The following NFIC variants were observed in gnomAD, a reference collection of about 807,000 sequenced individuals.
NFIC encodes nuclear factor 1 C-type.
NFIC carries 12 observed loss-of-function variants against 54.4 expected under a neutral mutation model. The ratio of observed to expected loss-of-function variants is 0.22; its 90% confidence interval spans 0.14 to 0.36. NFIC has a LOEUF of 0.36. Ranked by LOEUF, NFIC falls within the 10% of genes least tolerant of loss-of-function variation. NFIC has a pLI of 1.00. For missense variants in NFIC, 575 were observed against 718.2 expected, an observed-to-expected ratio of 0.80 and a Z score of 2.28; for synonymous variants, 322 against 319.2, an observed-to-expected ratio of 1.01 and a Z score of -0.09.
At chr19:3,434,249 C>A in intron 4 of NFIC, 28 bp from the exon 5 acceptor site, 1 of 1,595,976 alleles carries the variant, frequency 6.3e-7, no homozygotes, top group Non-Finnish European at 8.5e-7. Context: ...CTGCTTCCTG[C>A]CTCACTCTCC....
chr19:3,449,142 A>C lies in NFIC; in HGVS notation c.1084+3A>C, dbSNP rs774813274. On this transcript the variant is annotated splice_donor_region_variant and intron_variant, in intron 7 of 10. Transcript: ENST00000443272. ...GCCCGTCATCGCCGTGCACAGCGGT[A>C]AGCGCCACGGGCCCCTGGCGGGGAG... 6.2e-6 allele frequency: 10 copies of C among 1,611,156 alleles called. No homozygotes were observed. In the Admixed American group the frequency reaches 1.5e-4, roughly 24 times the overall value.
chr19:3,395,687 T>C (rs1388591998), intron 2 of NFIC, among the ~76,000 whole-genome samples: 1 of 151,696 alleles, frequency 6.6e-6, no homozygotes, highest in Non-Finnish European at 1.5e-5. Flanking sequence ...TTTATTTATT[T>C]ATTTACTTTT....
At position 3,437,535 on chromosome 19, in the gene NFIC, T is replaced by TTTTG. The variant is rs527907950; in HGVS notation, c.958+2339_958+2342dup. On this transcript the variant is annotated intron_variant, in intron 6 of 10. Transcript: ENST00000443272. Reference sequence around the variant, plus strand: ...TGTCTCAGTATTTATGAGGTTCTTTTTTTGTTTGTTTGTTGTTTTTGTTTT... The same window carrying TTTTG: ...TGTCTCAGTATTTATGAGGTTCTTTTTTTGTTTGTTTGTTTGTTGTTTTTGTTTT... Among the ~76,000 whole-genome samples, 8 of 152,074 alleles carry TTTTG rather than the reference T, an allele frequency of 5.3e-5. No homozygotes were observed. In the South Asian group the frequency reaches 1.5e-3, roughly 28 times the overall value.
At chr19:3,383,559 A>T (rs2081246585) in intron 2 of NFIC, among the ~76,000 whole-genome samples, 1 of 152,132 alleles carries the variant, frequency 6.6e-6, no homozygotes, top group Non-Finnish European at 1.5e-5. Context: ...GGATGGGGCT[A>T]TGGGAGGTTC....
intron 3 of NFIC, among the ~76,000 whole-genome samples, chr19:3,428,031 G>A (rs999998074): frequency 2.0e-5 from 3 of 150,966 alleles, no homozygotes; most frequent in Non-Finnish European, 2.9e-5. Context: ...TTAGCCAGGC[G>A]TGGAGGCACA....
chr19:3,454,726 C>A (rs1025461810), intron 9 of NFIC, among the ~76,000 whole-genome samples: 2 of 151,706 alleles, frequency 1.3e-5, no homozygotes, highest in Non-Finnish European at 2.9e-5. Flanking sequence ...CCCTCACCCC[C>A]CTTTTTGAGC....
intron 2 of NFIC, among the ~76,000 whole-genome samples, chr19:3,414,075 T>A (rs1476205410): frequency 6.6e-6 from 1 of 152,094 alleles, no homozygotes; most frequent in Non-Finnish European, 1.5e-5. Context: ...GCAATCTGTT[T>A]GCTGAGTGAT....
intron 5 of NFIC, among the ~76,000 whole-genome samples, chr19:3,434,867 C>T (rs1221950973): frequency 2.6e-5 from 4 of 152,248 alleles, no homozygotes; most frequent in African/African-American, 9.6e-5. Context: ...TTGAGACCCT[C>T]CCTGCCTCTG....
chr19:3,416,434 A>T (rs1183251818), intron 2 of NFIC, among the ~76,000 whole-genome samples: 1 of 150,624 alleles, frequency 6.6e-6, no homozygotes, highest in African/African-American at 2.4e-5. Context: ...TATATAAAAT[A>T]TACTTACGCC....
upstream of NFIC, among the ~76,000 whole-genome samples, chr19:3,365,416 C>G (rs1343259944): frequency 6.6e-6 from 1 of 152,184 alleles, no homozygotes; most frequent in Non-Finnish European, 1.5e-5. Flanking sequence ...GGGGAGAACC[C>G]TTGGGATGGG....
chr19:3,443,001 G>T (rs1262185588), intron 6 of NFIC, among the ~76,000 whole-genome samples: 1 of 152,226 alleles, frequency 6.6e-6, no homozygotes, highest in Non-Finnish European at 1.5e-5. Flanking sequence ...TCACAACTGG[G>T]AGAGCTCTTG....
At chr19:3,364,816 C>T (rs1599544210), upstream of NFIC, among the ~76,000 whole-genome samples, 2 of 152,140 alleles carry the variant, frequency 1.3e-5, no homozygotes, top group African/African-American at 4.8e-5. Flanking sequence ...AAGTCAACTG[C>T]AACTTTTAAA....
intron 6 of NFIC, among the ~76,000 whole-genome samples, chr19:3,438,797 C>A (rs960262311): frequency 1.3e-5 from 2 of 152,068 alleles, no homozygotes; most frequent in Non-Finnish European, 2.9e-5. Context: ...TACCTGAGGC[C>A]CTGGGGACAC....
intron 2 of NFIC, among the ~76,000 whole-genome samples, chr19:3,402,587 G>T (rs1309369311): frequency 6.6e-6 from 1 of 152,170 alleles, no homozygotes; most frequent in African/African-American, 2.4e-5. Context: ...CACCCGTGCA[G>T]TCACTAAGCA....
rs2081083413 is a variant in NFIC, at chr19:3,375,122, A to T, written c.31-6590A>T. The stretch of plus-strand genomic sequence containing the variant: ...GAGGAGAGGGGAAGTGGGGAGGGGG[A>T]ATTCAGAGAGAGAGGGGGGTTGGGG... On this transcript the variant is annotated intron_variant, in intron 1 of 10. Coordinates refer to ENST00000443272, the MANE Select transcript of NFIC (RefSeq NM_001245002.2). The surrounding 1 kb of genome is among the most constrained non-coding windows in gnomAD (Gnocchi z 4.6). Among the ~76,000 whole-genome samples the T allele has an allele frequency of 7.3e-6, 1 of 136,866 alleles. No homozygotes were observed. Among genetic ancestry groups the T allele is most frequent in the Admixed American group, 7.1e-5 (1 of 13,988 alleles). The allele number at this position is 136,866 out of a possible 152,430, so 89.8% of individuals were successfully genotyped here.
intron 1 of NFIC, among the ~76,000 whole-genome samples, chr19:3,367,377 A>AGCC (rs1198281658): frequency 6.6e-6 from 1 of 151,974 alleles, no homozygotes; most frequent in Admixed American, 6.5e-5. Flanking sequence ...TGGATTCTGG[A>AGCC]GCCGCCGCCG....
At chr19:3,380,106 A>T (rs867123441) in intron 1 of NFIC, among the ~76,000 whole-genome samples, 118 of 146,768 alleles carry the variant, frequency 8.0e-4, no homozygotes, top group Admixed American at 1.5e-3. Context: ...GTTCATGCCA[A>T]TCTCCTGCCT....
chr19:3,416,555 CT>C lies in NFIC; in HGVS notation c.563-8549del, dbSNP rs1284864385. 4.0e-5 allele frequency among the ~76,000 whole-genome samples: 6 copies of C among 151,346 alleles called. No individual in the cohort carries two copies. In the East Asian group the frequency reaches 1.2e-3, roughly 29 times the overall value. On this transcript the variant is annotated intron_variant, in intron 2 of 10. Transcript: ENST00000443272. ...ATTATTTTTGAGACAGAGTTTCACT[CT>C]TGTTGCCCAGGCTAGAATGCAATGG...
intron 3 of NFIC, among the ~76,000 whole-genome samples, chr19:3,429,421 GTAA>G (rs934310320): frequency 6.6e-6 from 1 of 151,142 alleles, no homozygotes; most frequent in Non-Finnish European, 1.5e-5. Flanking sequence ...TCTACAAAAA[GTAA>G]TAATAATAAT....
Sources: allele counts gnomAD v4.1 joint callset (sites outside exome capture counted in the v4.1 genomes callset), GRCh38; gene constraint gnomAD v4.1.1; non-coding constraint Gnocchi (gnomAD v3.1); transcripts MANE v1.5; gene names NCBI Gene and HGNC (gene_info 2026-07-23, HGNC 2026-07-21).